The following USP32 variants were observed in gnomAD, a reference collection of about 807,000 sequenced individuals.
USP32 encodes ubiquitin carboxyl-terminal hydrolase 32.
Under a neutral mutation model 204.8 loss-of-function variants are expected in USP32, and 59 were observed. The ratio of observed to expected loss-of-function variants is 0.29; its 90% CI spans 0.23 to 0.36. The LOEUF (loss-of-function observed/expected upper bound fraction) is 0.36. USP32 is among the 10% of genes least tolerant of loss of function. USP32 has a pLI of 1.00. For missense variants in USP32, 1,160 were observed against 1,946.4 expected, an observed-to-expected ratio of 0.60 and a Z score of 7.60; for synonymous variants, 517 against 678.4, an observed-to-expected ratio of 0.76 and a Z score of 3.70.
In USP32 at chr17:60,226,108, T is replaced by C; in HGVS notation, c.1363A>G (p.Asn455Asp). 1 of 1,608,010 alleles carries C rather than the reference T, an allele frequency of 6.2e-7. No homozygotes were observed. The stretch of plus-strand genomic sequence containing the variant: ...TCTGAAAATTTCTCTTCTGTAGTAT[T>C]CACGTAACTGAGGCTGCTTCCAATT... ...DRIGSSLSYV[N>D]TTEEKFSDNI... The change falls in exon 13 of 34, where the codon AAT becomes GAT. Residue 455 changes from asparagine to aspartate, a missense_variant. Transcript: ENST00000300896.
intron 1 of USP32, among the ~76,000 whole-genome samples, chr17:60,407,549 A>C (rs2089986017): frequency 6.6e-6 from 1 of 152,164 alleles, no homozygotes; most frequent in African/African-American, 2.4e-5. Flanking sequence ...ATCCAAAAGT[A>C]AGTTAACAAT....
chr17:60,213,652 G>A lies in USP32; in HGVS notation c.2033C>T (p.Thr678Ile). 7.0e-6 allele frequency: 9 copies of A among 1,282,146 alleles called. No individual in the cohort carries two copies. The highest frequency in any genetic ancestry group is 9.6e-6 in the Non-Finnish European group (9 of 941,116). The allele number at this position is 1,282,146 out of a possible 1,614,324, so 79.4% of individuals were successfully genotyped here. A position where few individuals can be genotyped will look rare whatever the true frequency, so the allele number is the denominator to read the frequency against. The change falls in exon 18 of 34, where the codon ACT (threonine) becomes ATT (isoleucine). Residue 678 changes from threonine (T) to isoleucine (I), a missense_variant. Around this residue, in one of 8 missense-constraint regions of USP32, gnomAD observed 132 missense variants for 432.8 expected, o/e 0.30. Transcript: ENST00000300896. ...TTTATGATCCTCATCATCCAGAAGA[G>A]TAAGGTAGTTCTGTGTAAGGAGGAG... Reference protein sequence around the residue: ...LWLYNSENYLTLLDDEDHKLE... With the variant: ...LWLYNSENYLILLDDEDHKLE...
intron 1 of USP32, among the ~76,000 whole-genome samples, chr17:60,358,256 A>C (rs914098555): frequency 1.3e-5 from 2 of 152,162 alleles, no homozygotes; most frequent in African/African-American, 4.8e-5. Context: ...CGGAAAAATA[A>C]GTTTTAAATT....
At chr17:60,349,624 T>TATATATATATATATATATTA (rs1491225872) in intron 1 of USP32, among the ~76,000 whole-genome samples, 1 of 60,298 alleles carries the variant, frequency 1.7e-5, no homozygotes, top group African/African-American at 1.2e-4. Flanking sequence ...TATATATATA[T>TATATATATATATATATATTA]TATATATATA....
At chr17:60,372,333 A>G (rs1229046711) in intron 1 of USP32, among the ~76,000 whole-genome samples, 1 of 152,200 alleles carries the variant, frequency 6.6e-6, no homozygotes, top group African/African-American at 2.4e-5. Context: ...AGGTGATTTC[A>G]TCATTGTGCA....
upstream of USP32, among the ~76,000 whole-genome samples, chr17:60,392,818 G>A (rs2089864611): frequency 6.6e-6 from 1 of 152,084 alleles, no homozygotes; most frequent in African/African-American, 2.4e-5. Flanking sequence ...CATCTCGCCT[G>A]CCCGGCCCAC....
chr17:60,193,070 A>G, intron 27 of USP32, 140 bp from the exon 28 acceptor site: 2 of 823,228 alleles, frequency 2.4e-6, no homozygotes, highest in Non-Finnish European at 3.9e-6. Flanking sequence ...AATGTTACTT[A>G]CCCTAATCCA....
Position 60,266,068 on chromosome 17 carries a change from C to A in USP32, c.835G>T (p.Asp279Tyr). Residue 279 changes from aspartate to tyrosine, a missense_variant, in exon 8 of 34, where the codon GAC (aspartate) becomes TAC (tyrosine). Coordinates refer to ENST00000300896, the MANE Select transcript of USP32 (RefSeq NM_032582.4). The stretch of plus-strand genomic sequence containing the variant: ...ACCCTGGAGAGAACTCCATCACGGT[C>A]AACATCAAATACCTTGAAGCAAACT... ...QKFCFKVFDV[D>Y]RDGVLSRVEL... 6.2e-7 allele frequency: 1 copy of A among 1,613,896 alleles called. No individual in the cohort carries two copies. Among genetic ancestry groups the A allele is most frequent in the South Asian group, 1.1e-5 (1 of 91,044 alleles).
intron 5 of USP32, among the ~76,000 whole-genome samples, chr17:60,287,327 C>T (rs1598197849): frequency 6.6e-6 from 1 of 152,128 alleles, no homozygotes; most frequent in East Asian, 1.9e-4. Context: ...TTGTAAGCTC[C>T]CCTTTCAAGA....
At chr17:60,298,412 T>C (rs146394103) in intron 3 of USP32, among the ~76,000 whole-genome samples, 1 of 152,276 alleles carries the variant, frequency 6.6e-6, no homozygotes, top group East Asian at 1.9e-4. Flanking sequence ...GATATCATAA[T>C]TTTTTTCAGT....
At chr17:60,271,038 C>G (rs1230701966) in intron 6 of USP32, among the ~76,000 whole-genome samples, 1 of 152,150 alleles carries the variant, frequency 6.6e-6, no homozygotes, top group African/African-American at 2.4e-5. Context: ...GTGGCCACCA[C>G]ATGACTCCAG....
chr17:60,239,763 C>A (rs958066611), intron 11 of USP32, among the ~76,000 whole-genome samples: 4 of 152,118 alleles, frequency 2.6e-5, no homozygotes, highest in Non-Finnish European at 2.9e-5. Flanking sequence ...GATGGAGTCT[C>A]GCTCTGTCAC....
chr17:60,245,555 A>G, intron 11 of USP32: 1 of 308,344 alleles, frequency 3.2e-6, no homozygotes. Context: ...AGTTACACTT[A>G]GTTTTGACAT....
At chr17:60,320,332 C>T (rs1474983495) in intron 2 of USP32, among the ~76,000 whole-genome samples, 2 of 152,118 alleles carry the variant, frequency 1.3e-5, no homozygotes, top group Non-Finnish European at 2.9e-5. Flanking sequence ...GTAAGCTGTA[C>T]ATACATTTGA....
At position 60,392,102 on chromosome 17, in the gene USP32, G is replaced by C; in HGVS notation, c.-163C>G. On this transcript the variant is annotated 5_prime_UTR_variant, in exon 1 of 34. Transcript: ENST00000300896. ...GGCTTCTGCCCCGGCGGCTCCTCCCGGTCGCCGCCACCGCCTCCATGCCGG... is the reference window on the plus strand; with the variant it reads ...GGCTTCTGCCCCGGCGGCTCCTCCCCGTCGCCGCCACCGCCTCCATGCCGG... 1 of 649,204 alleles carries C rather than the reference G, an allele frequency of 1.5e-6. No individual in the cohort carries two copies. Among genetic ancestry groups the C allele is most frequent in the Non-Finnish European group, 2.4e-6 (1 of 421,520 alleles). 40.2% of individuals were successfully genotyped at this position (649,204 alleles called of 1,614,324 possible). A position where few individuals can be genotyped will look rare whatever the true frequency, so the allele number is the denominator to read the frequency against.
intron 17 of USP32, among the ~76,000 whole-genome samples, chr17:60,214,098 T>C (rs28391624): frequency 0.21 from 32,192 of 151,896 alleles, 8,443 homozygotes; most frequent in African/African-American, 0.62. Flanking sequence ...CCCACCGCCA[T>C]GCCCAGCTAA....
chr17:60,273,354 G>A (rs1015158373), intron 5 of USP32, among the ~76,000 whole-genome samples: 1 of 152,142 alleles, frequency 6.6e-6, no homozygotes, highest in Non-Finnish European at 1.5e-5. Context: ...GTGACCAGCT[G>A]AAGTGGAAAC....
At position 60,294,771 on chromosome 17, in the gene USP32, C is replaced by A. The variant is rs779314810; in HGVS notation, c.323G>T (p.Gly108Val). 21 of 1,609,978 alleles carry A rather than the reference C, an allele frequency of 1.3e-5. 1 individual carries two copies. The South Asian group carries it at 2.2e-4, about 17-fold the overall frequency. ...YIFSLFSSESGNYVIREEMER... is the reference protein window; with the variant it reads ...YIFSLFSSESVNYVIREEMER... ...CATTTCTTCCCGTATAACATAGTTC[C>A]CAGATTCACTTGAAAAAAGACTAAA... Residue 108 changes from glycine (G) to valine (V), a missense_variant, in exon 4 of 34, where the codon GGG becomes GTG. Coordinates refer to ENST00000300896, the MANE Select transcript of USP32 (RefSeq NM_032582.4).
At chr17:60,361,655 A>T (rs938743747) in intron 1 of USP32, among the ~76,000 whole-genome samples, 1 of 152,174 alleles carries the variant, frequency 6.6e-6, no homozygotes, top group African/African-American at 2.4e-5. Flanking sequence ...TAGTTTCTAC[A>T]ATTCAACTTT....
Sources: allele counts gnomAD v4.1 joint callset (sites outside exome capture counted in the v4.1 genomes callset), GRCh38; gene constraint gnomAD v4.1.1; regional missense constraint gnomAD v4.1.1; transcripts MANE v1.5; gene names NCBI Gene and HGNC (gene_info 2026-07-23, HGNC 2026-07-21).